PDGFC: variants seen among roughly 807,000 people sequenced by gnomAD.
The protein encoded by PDGFC is platelet-derived growth factor C.
Under a neutral mutation model 35.5 loss-of-function variants are expected in PDGFC, and 12 were observed. That is an observed-to-expected ratio of 0.34 (90% CI 0.22 to 0.55). PDGFC has a LOEUF of 0.55. Among genes scored for constraint, PDGFC ranks in the 20% least tolerant of loss-of-function variants. PDGFC has a pLI of 0.91. For synonymous variants in PDGFC, 159 were observed against 148.8 expected (o/e 1.07, Z -0.50); for missense variants, 322 against 412.4 (o/e 0.78, Z 1.90).
At chr4:156,771,604 A>G (rs936631075) in intron 4 of PDGFC, among the ~76,000 whole-genome samples, 1 of 152,164 alleles carries the variant, frequency 6.6e-6, no homozygotes, top group Non-Finnish European at 1.5e-5. Context: ...GTGAAATACC[A>G]GGGCTGGGCA....
rs191027480 is a variant in PDGFC at position 156,784,041 on chromosome 4, T to A, written c.496-11148A>T. Reference sequence around the variant, plus strand: ...GAAGGAAAAGTTCAGGTTGGGTCAATTTATAATAAGTGGAGGTGTATTGAC... The same window carrying A: ...GAAGGAAAAGTTCAGGTTGGGTCAAATTATAATAAGTGGAGGTGTATTGAC... On this transcript the variant is annotated intron_variant, in intron 3 of 5. Transcript: ENST00000502773. Among the ~76,000 whole-genome samples the A allele has an allele frequency of 1.6e-3, 250 of 152,280 alleles. 2 individuals are homozygous for A. Among genetic ancestry groups the A allele is most frequent in the African/African-American group, 5.1e-3 (210 of 41,574 alleles).
At chr4:156,901,291 C>G (rs1394647766) in intron 1 of PDGFC, among the ~76,000 whole-genome samples, 1 of 152,144 alleles carries the variant, frequency 6.6e-6, no homozygotes, top group African/African-American at 2.4e-5. Context: ...ACTGAGGAGT[C>G]ATGAGAAGTT....
intron 1 of PDGFC, among the ~76,000 whole-genome samples, chr4:156,969,876 A>C (rs1394389619): frequency 6.6e-6 from 1 of 152,222 alleles, no homozygotes; most frequent in Non-Finnish European, 1.5e-5. Context: ...TGCAGTATAA[A>C]ATTTCTATTT....
intron 2 of PDGFC, among the ~76,000 whole-genome samples, chr4:156,834,837 T>C (rs550998624): frequency 1.3e-5 from 2 of 152,176 alleles, no homozygotes; most frequent in African/African-American, 4.8e-5. Context: ...TAACTGTCAG[T>C]AGCATGTTGA....
At chr4:156,865,207 C>T (rs1055351055) in intron 1 of PDGFC, among the ~76,000 whole-genome samples, 3 of 151,820 alleles carry the variant, frequency 2.0e-5, no homozygotes, top group Non-Finnish European at 2.9e-5. Flanking sequence ...CACACACACA[C>T]ACACACGCAG....
At chr4:156,843,669 CAAGACTGAAA>C (rs1478342042) in intron 2 of PDGFC, among the ~76,000 whole-genome samples, 7 of 152,082 alleles carry the variant, frequency 4.6e-5, no homozygotes, top group Non-Finnish European at 8.8e-5. Context: ...CCATCATGAA[CAAGACTGAAA>C]TTGTGAATTA....
intron 1 of PDGFC, among the ~76,000 whole-genome samples, 180 bp from the exon 2 acceptor site, chr4:156,850,596 A>T (rs1729430432): frequency 6.6e-6 from 1 of 152,164 alleles, no homozygotes; most frequent in Non-Finnish European, 1.5e-5. Context: ...ATCATTATTG[A>T]ATAAAAACCT....
chr4:156,771,563 T>C (rs1730694118), intron 4 of PDGFC, among the ~76,000 whole-genome samples: 1 of 152,148 alleles, frequency 6.6e-6, no homozygotes, highest in African/African-American at 2.4e-5. Flanking sequence ...ATTTCAAATA[T>C]TGCCAAAAGG....
chr4:156,925,908 C>A (rs906949590), intron 1 of PDGFC, among the ~76,000 whole-genome samples: 4 of 151,558 alleles, frequency 2.6e-5, no homozygotes, highest in Non-Finnish European at 5.9e-5. Flanking sequence ...AAAAATTAGC[C>A]AGATGTGGTA....
At chr4:156,924,959 C>T (rs999173140) in intron 1 of PDGFC, among the ~76,000 whole-genome samples, 1 of 151,588 alleles carries the variant, frequency 6.6e-6, no homozygotes, top group Non-Finnish European at 1.5e-5. Flanking sequence ...GCTGTCCTCA[C>T]ACAGTGAAAG....
At chr4:156,952,278 T>A (rs1461765985) in intron 1 of PDGFC, among the ~76,000 whole-genome samples, 1 of 151,886 alleles carries the variant, frequency 6.6e-6, no homozygotes, top group African/African-American at 2.4e-5. Context: ...TAACCTAAAT[T>A]ATAGATTAGC....
chr4:156,917,030 T>G (rs1350159888), intron 1 of PDGFC, among the ~76,000 whole-genome samples: 1 of 152,154 alleles, frequency 6.6e-6, no homozygotes, highest in Admixed American at 6.5e-5. Context: ...ATGATCAATT[T>G]GATAAAATGA....
intron 1 of PDGFC, among the ~76,000 whole-genome samples, chr4:156,916,082 T>C (rs1484118512): frequency 6.6e-6 from 1 of 152,160 alleles, no homozygotes; most frequent in East Asian, 1.9e-4. Context: ...AAGAACCTTC[T>C]TGAGCCCACT....
At chr4:156,890,916 T>C (rs1311549385) in intron 1 of PDGFC, among the ~76,000 whole-genome samples, 1 of 152,170 alleles carries the variant, frequency 6.6e-6, no homozygotes, top group Non-Finnish European at 1.5e-5. Context: ...AATATGTGTA[T>C]ATGTGTGTGT....
intron 1 of PDGFC, among the ~76,000 whole-genome samples, chr4:156,955,090 G>T (rs1328045863): frequency 6.6e-6 from 1 of 152,020 alleles, no homozygotes; most frequent in African/African-American, 2.4e-5. Context: ...TAGACTGAAG[G>T]CAAGAGGGAA....
chr4:156,831,745 C>A (rs1419847239), intron 2 of PDGFC, among the ~76,000 whole-genome samples: 1 of 151,410 alleles, frequency 6.6e-6, no homozygotes, highest in Non-Finnish European at 1.5e-5. Flanking sequence ...CCCGGCCAAC[C>A]CTGTCTCTTG....
intron 2 of PDGFC, among the ~76,000 whole-genome samples, chr4:156,845,888 A>C (rs79884568): frequency 0.044 from 6,623 of 151,954 alleles, 165 homozygotes; most frequent in Admixed American, 0.079. Context: ...TTTCTTTGAA[A>C]GAACAATGAA....
intron 3 of PDGFC, among the ~76,000 whole-genome samples, chr4:156,804,086 A>G (rs1359962157): frequency 8.1e-6 from 1 of 123,754 alleles, no homozygotes; most frequent in African/African-American, 4.6e-5. Context: ...TCTTTTTGTA[A>G]CCCTGAAAAA....
At chr4:156,955,401 A>G (rs1293905095) in intron 1 of PDGFC, among the ~76,000 whole-genome samples, 3 of 152,058 alleles carry the variant, frequency 2.0e-5, no homozygotes, top group Non-Finnish European at 4.4e-5. Context: ...CACCACGAAA[A>G]AAAAAGATAA....
Sources: allele counts gnomAD v4.1 joint callset (sites outside exome capture counted in the v4.1 genomes callset), GRCh38; gene constraint gnomAD v4.1.1; transcripts MANE v1.5; gene names NCBI Gene and HGNC (gene_info 2026-07-23, HGNC 2026-07-21).